Variants in KAZN observed in about 807,000 individuals in gnomAD.
KAZN encodes kazrin, periplakin interacting protein.
In KAZN, 40 loss-of-function variants were observed where a neutral mutation model predicts 87.4. The ratio of observed to expected loss-of-function variants is 0.46; its 90% CI spans 0.36 to 0.60. KAZN has a LOEUF of 0.60. Ranked by LOEUF, KAZN falls within the 20% of genes least tolerant of loss-of-function variation. The pLI is 0.00. For synonymous variants in KAZN, 466 were observed against 458.3 expected (o/e 1.02, Z -0.22); for missense variants, 898 against 1,073.9 (o/e 0.84, Z 2.29).
At chr1:14,112,668 C>T (rs1454142873) in intron 1 of KAZN, among the ~76,000 whole-genome samples, 1 of 152,182 alleles carries the variant, frequency 6.6e-6, no homozygotes, top group Non-Finnish European at 1.5e-5. Context: ...CTGGTATAAT[C>T]ACATGAGTCC....
Position 13,936,096 on chromosome 1 carries a change from G to GTTTTTTTTTTTTTTTTTTTTT in KAZN, c.91+42355_91+42356insTTTTTTTTTTTTTTTTTTTTT, listed in dbSNP as rs70984301. Among the ~76,000 whole-genome samples the GTTTTTTTTTTTTTTTTTTTTT allele has an allele frequency of 1.7e-4, 14 of 84,846 alleles. 4 individuals are homozygous for GTTTTTTTTTTTTTTTTTTTTT. Among genetic ancestry groups the GTTTTTTTTTTTTTTTTTTTTT allele is most frequent in the East Asian group, 8.5e-4 (2 of 2,360 alleles). 55.7% of individuals were successfully genotyped at this position (84,846 alleles called of 152,430 possible). A position where few individuals can be genotyped will look rare whatever the true frequency, so the allele number is the denominator to read the frequency against. On this transcript the variant is annotated intron_variant, in intron 1 of 16. Transcript: ENST00000636203. ...TATAGATTTAGGTGGTACAAGTGCA[G>GTTTTTTTTTTTTTTTTTTTTT]TTTTTTTTTTTTTTTGAGACAGAGT... is the stretch of plus-strand genomic sequence containing the variant.
At chr1:14,814,319 C>T (rs1456571626) in intron 1 of KAZN, among the ~76,000 whole-genome samples, 1 of 152,154 alleles carries the variant, frequency 6.6e-6, no homozygotes, top group East Asian at 1.9e-4. Flanking sequence ...CTCTGCCCCC[C>T]GGGTTCAAGT....
At chr1:14,685,606 C>A (rs1396381734) in intron 1 of KAZN, among the ~76,000 whole-genome samples, 1 of 152,212 alleles carries the variant, frequency 6.6e-6, no homozygotes, top group East Asian at 1.9e-4. Context: ...TTCGCCTGCT[C>A]AGAGTCACTT....
chr1:14,079,240 G>T (rs1052643955), intron 1 of KAZN, among the ~76,000 whole-genome samples: 2 of 152,206 alleles, frequency 1.3e-5, no homozygotes, highest in African/African-American at 4.8e-5. Context: ...GAGGTGCCAG[G>T]CTCTTTAACT....
intron 2 of KAZN, among the ~76,000 whole-genome samples, chr1:14,216,628 G>A (rs2100477285): frequency 6.6e-6 from 1 of 152,284 alleles, no homozygotes; most frequent in South Asian, 2.1e-4. Flanking sequence ...AAAAGATGCT[G>A]AGCGTGTTGG....
At chr1:14,126,485 C>G (rs1267330067) in intron 1 of KAZN, among the ~76,000 whole-genome samples, 4 of 152,074 alleles carry the variant, frequency 2.6e-5, no homozygotes, top group Admixed American at 2.0e-4. Context: ...AATCTAAATC[C>G]AAGCTTCAGA....
At chr1:14,737,567 C>A (rs963787755) in intron 1 of KAZN, among the ~76,000 whole-genome samples, 5 of 152,322 alleles carry the variant, frequency 3.3e-5, no homozygotes, top group African/African-American at 1.2e-4. Flanking sequence ...TGAGGACAGA[C>A]ACGTATTACC....
intron 1 of KAZN, among the ~76,000 whole-genome samples, chr1:13,897,674 T>C (rs1050487155): frequency 6.6e-6 from 1 of 152,178 alleles, no homozygotes; most frequent in Non-Finnish European, 1.5e-5. Flanking sequence ...ATTTCCATGT[T>C]GGCAGAGTTG....
chr1:14,612,199 CTAGGGGTGTTGTGGTTAA>C (rs1270871534), intron 1 of KAZN, among the ~76,000 whole-genome samples: 1 of 152,104 alleles, frequency 6.6e-6, no homozygotes, highest in Non-Finnish European at 1.5e-5. Context: ...AAGTTAATTA[CTAGGGGTGTTGTGGTTAA>C]TGGACAGGAG....
At chr1:14,764,499 G>GC (rs144390645) in intron 1 of KAZN, among the ~76,000 whole-genome samples, 4,443 of 150,616 alleles carry the variant, frequency 0.029, 137 homozygotes, top group African/African-American at 0.073. Context: ...CCGCCCCTCT[G>GC]CCCCCCCATA....
At chr1:15,043,678 C>G (rs1459427245) in intron 3 of KAZN, among the ~76,000 whole-genome samples, 1 of 123,992 alleles carries the variant, frequency 8.1e-6, no homozygotes, top group Non-Finnish European at 1.6e-5. Context: ...GAGTCTCGCT[C>G]TGTCGCCCAG....
chr1:14,740,645 G>A (rs1045773931), intron 1 of KAZN, among the ~76,000 whole-genome samples: 1 of 152,040 alleles, frequency 6.6e-6, no homozygotes, highest in Admixed American at 6.6e-5. Flanking sequence ...GACCTCTCCC[G>A]CTCTGGCCGC....
intron 8 of KAZN, among the ~76,000 whole-genome samples, chr1:15,087,584 G>A (rs1410021416): frequency 6.6e-6 from 1 of 151,968 alleles, no homozygotes; most frequent in Admixed American, 6.6e-5. Context: ...TAGTAGAGAC[G>A]GGGTTTCACC....
chr1:15,084,389 C>T (rs960904342), intron 8 of KAZN, among the ~76,000 whole-genome samples: 2 of 152,194 alleles, frequency 1.3e-5, no homozygotes, highest in Non-Finnish European at 2.9e-5. Flanking sequence ...AAGACATATT[C>T]GGAAGGGCCT....
chr1:14,803,018 A>C (rs1375459250), intron 1 of KAZN, among the ~76,000 whole-genome samples: 2 of 152,132 alleles, frequency 1.3e-5, no homozygotes, highest in Non-Finnish European at 2.9e-5. Flanking sequence ...CCCTCCTCCC[A>C]GTGTGTTCAT....
intron 1 of KAZN, among the ~76,000 whole-genome samples, chr1:14,842,080 T>C (rs1648087386): frequency 6.6e-6 from 1 of 152,214 alleles, no homozygotes; most frequent in Non-Finnish European, 1.5e-5. Context: ...TCCCCCTCCC[T>C]GCTCTCTTTC....
At chr1:14,301,413 C>T (rs1654544422) in intron 2 of KAZN, among the ~76,000 whole-genome samples, 1 of 152,184 alleles carries the variant, frequency 6.6e-6, no homozygotes, top group East Asian at 1.9e-4. Context: ...AAATCATCTA[C>T]AGGTTTGCAT....
intron 1 of KAZN, among the ~76,000 whole-genome samples, chr1:14,850,076 C>T (rs1256124288): frequency 6.6e-6 from 1 of 151,858 alleles, no homozygotes; most frequent in African/African-American, 2.4e-5. Context: ...GCTGGGACTA[C>T]AGGTGTACGC....
intron 1 of KAZN, among the ~76,000 whole-genome samples, chr1:14,063,978 G>A (rs76134341): frequency 0.016 from 2,386 of 152,214 alleles, 52 homozygotes; most frequent in East Asian, 0.071. Flanking sequence ...GTGCAATGGT[G>A]TGATCTCGGC....
Sources: allele counts gnomAD v4.1 joint callset (sites outside exome capture counted in the v4.1 genomes callset), GRCh38; gene constraint gnomAD v4.1.1; transcripts MANE v1.5; gene names NCBI Gene and HGNC (gene_info 2026-07-23, HGNC 2026-07-21).